RYR3: variants seen among roughly 807,000 people sequenced by gnomAD.
RYR3 encodes the protein ryanodine receptor 3.
RYR3 carries 207 observed loss-of-function variants against 584.3 expected under a neutral mutation model. The observed-to-expected ratio is 0.35, with a 90% CI of 0.32 to 0.40. The LOEUF (loss-of-function observed/expected upper bound fraction) is 0.40. Among genes scored for constraint, RYR3 ranks in the 10% least tolerant of loss-of-function variants. RYR3 has a pLI of 1.00. For missense variants in RYR3, 5,616 were observed against 6,089.2 expected (o/e 0.92, Z 2.59); for synonymous variants, 2,416 against 2,248.5 (o/e 1.07, Z -2.11).
intron 1 of RYR3, among the ~76,000 whole-genome samples, chr15:33,448,234 G>T (rs2141947831): frequency 6.6e-6 from 1 of 152,312 alleles, no homozygotes; most frequent in Non-Finnish European, 1.5e-5. Context: ...CTGGCCAGCT[G>T]CTGGCCTCGA....
At chr15:33,484,143 T>G (rs2050207740) in intron 2 of RYR3, among the ~76,000 whole-genome samples, 1 of 152,070 alleles carries the variant, frequency 6.6e-6, no homozygotes, top group African/African-American at 2.4e-5. Context: ...GAGTATTCAT[T>G]GCTCTTTAAA....
At chr15:33,455,035 G>C (rs1054600802) in intron 1 of RYR3, among the ~76,000 whole-genome samples, 18 of 152,166 alleles carry the variant, frequency 1.2e-4, no homozygotes, top group Non-Finnish European at 1.3e-4. Context: ...GCTCAGTAAG[G>C]AAGCTATTGT....
intron 52 of RYR3, among the ~76,000 whole-genome samples, chr15:33,745,691 G>T (rs1210023477): frequency 6.6e-6 from 1 of 152,190 alleles, no homozygotes; most frequent in Non-Finnish European, 1.5e-5. Context: ...GCCCCTCTAG[G>T]CAGTGGCAAT....
At chr15:33,609,847 A>T (rs577529575) in intron 18 of RYR3, among the ~76,000 whole-genome samples, 56 of 152,240 alleles carry the variant, frequency 3.7e-4, no homozygotes, top group Admixed American at 1.6e-3. Context: ...GGGTATCTAA[A>T]CTCCATACAG....
chr15:33,813,792 C>T (rs2076667555), intron 74 of RYR3: 2 of 457,748 alleles, frequency 4.4e-6, no homozygotes, highest in East Asian at 3.5e-5. Context: ...AGAGCCCATT[C>T]CTGTCAGGCT....
At chr15:33,559,494 C>A (rs773538329) in intron 10 of RYR3, among the ~76,000 whole-genome samples, 3 of 152,184 alleles carry the variant, frequency 2.0e-5, no homozygotes, top group Non-Finnish European at 4.4e-5. Flanking sequence ...AGCAAGGTGA[C>A]AGCCTACACT....
intron 102 of RYR3, among the ~76,000 whole-genome samples, chr15:33,862,591 GATGAGTTTAAGTCAAAAAC>G (rs1297804455): frequency 2.6e-5 from 4 of 152,132 alleles, no homozygotes; most frequent in Non-Finnish European, 4.4e-5. Context: ...TTTGCTGGGG[GATGAGTTTAAGTCAAAAAC>G]ATGAGTTTTG....
In RYR3 at chr15:33,860,631, A is replaced by G; in HGVS notation, c.14336A>G (p.Gln4779Arg). The change falls in exon 101 of 104, where the codon CAG (glutamine) becomes CGG (arginine). Residue 4779 changes from glutamine (Q) to arginine (R), a missense_variant. By Grantham distance (43) the Gln-to-Arg change is conservative. This residue lies in a region of RYR3 where 918 missense variants were observed against 887.4 expected (regional missense o/e 1.03). Transcript: ENST00000634891. ...GATGCTTTCGGAGAGCTAAGAGACC[A>G]GCAGGAACAAGTACGAGAAGATATG... ...IIDAFGELRDQQEQVREDMET... is the reference protein window; with the variant it reads ...IIDAFGELRDRQEQVREDMET... 6.3e-7 allele frequency: 1 copy of G among 1,595,264 alleles called. No individual in the cohort carries two copies. The highest frequency in any genetic ancestry group is 8.6e-7 in the Non-Finnish European group (1 of 1,169,532).
At chr15:33,793,697 C>A (rs1458032067) in intron 67 of RYR3, among the ~76,000 whole-genome samples, 1 of 151,640 alleles carries the variant, frequency 6.6e-6, no homozygotes, top group Non-Finnish European at 1.5e-5. Flanking sequence ...TTTAAGGTAC[C>A]CATTATAGAT....
intron 38 of RYR3, 110 bp from the exon 39 acceptor site, chr15:33,696,108 T>G: frequency 9.3e-7 from 1 of 1,076,008 alleles, no homozygotes; most frequent in Non-Finnish European, 1.3e-6. Context: ...AATAAGAATT[T>G]TGTAACCTCA....
chr15:33,682,982 A>G (rs1403836056), intron 38 of RYR3, among the ~76,000 whole-genome samples: 1 of 142,636 alleles, frequency 7.0e-6, no homozygotes, highest in African/African-American at 2.5e-5. Flanking sequence ...TGGCTGTCCC[A>G]CTTTGAGAGT....
Position 33,458,814 on chromosome 15 carries a change from G to A in RYR3, c.52-14605G>A, listed in dbSNP as rs78124035. Among the ~76,000 whole-genome samples the A allele has an allele frequency of 1.4e-3, 220 of 152,308 alleles. 3 individuals are homozygous for A. The East Asian group carries it at 0.028, about 19-fold the overall frequency. ...CCAAATGAGGGACCTGCAAACAATA[G>A]CCTTTGGTGACTGGTGTTTTCTGGG... On this transcript the variant is annotated intron_variant, in intron 1 of 103. Transcript: ENST00000634891.
chr15:33,780,185 T>C (rs768691537), intron 64 of RYR3, 26 bp from the exon 65 acceptor site: 1 of 1,610,390 alleles, frequency 6.2e-7, no homozygotes, highest in Non-Finnish European at 8.5e-7. Flanking sequence ...GGGGCCACAC[T>C]TCTCAATGGA....
At chr15:33,502,384 A>G (rs1865498) in intron 2 of RYR3, among the ~76,000 whole-genome samples, 35,396 of 152,184 alleles carry the variant, frequency 0.23, 5,496 homozygotes, top group Non-Finnish European at 0.35. Flanking sequence ...GTGGAGCTCC[A>G]TGGAAACAGC....
At chr15:33,701,961 C>G (rs927542558) in intron 42 of RYR3, among the ~76,000 whole-genome samples, 1 of 152,170 alleles carries the variant, frequency 6.6e-6, no homozygotes, top group Non-Finnish European at 1.5e-5. Context: ...AGGAATTGAA[C>G]TTATGCTACC....
intron 57 of RYR3, among the ~76,000 whole-genome samples, chr15:33,751,698 G>A (rs2071333173): frequency 6.6e-6 from 1 of 151,956 alleles, no homozygotes; most frequent in Non-Finnish European, 1.5e-5. Flanking sequence ...CACTCTGATG[G>A]TAGTTTCTTT....
At chr15:33,581,694 C>T in intron 14 of RYR3, 51 bp downstream of exon 14, 1 of 1,510,388 alleles carries the variant, frequency 6.6e-7, no homozygotes, top group Non-Finnish European at 9.2e-7. Context: ...ATGGGATTTC[C>T]ACGTGCAATC....
At chr15:33,364,923 C>T (rs891488345) in intron 1 of RYR3, among the ~76,000 whole-genome samples, 1 of 152,138 alleles carries the variant, frequency 6.6e-6, no homozygotes, top group Non-Finnish European at 1.5e-5. Flanking sequence ...AGTAACTCTG[C>T]CACTTGCAAA....
At chr15:33,720,482 G>A (rs2067827147) in intron 43 of RYR3, among the ~76,000 whole-genome samples, 1 of 152,184 alleles carries the variant, frequency 6.6e-6, no homozygotes, top group Non-Finnish European at 1.5e-5. Flanking sequence ...TATCTGAAAA[G>A]GGGAAAGATC....
Sources: allele counts gnomAD v4.1 joint callset (sites outside exome capture counted in the v4.1 genomes callset), GRCh38; gene constraint gnomAD v4.1.1; regional missense constraint gnomAD v4.1.1; transcripts MANE v1.5; gene names NCBI Gene and HGNC (gene_info 2026-07-23, HGNC 2026-07-21).